DPH6: variants seen among roughly 807,000 people sequenced by gnomAD.
The protein encoded by DPH6 is diphthine--ammonia ligase.
In DPH6, 33 loss-of-function variants were observed where a neutral mutation model predicts 38.2. That is an observed-to-expected ratio of 0.86 (90% CI 0.65 to 1.15). DPH6 has a LOEUF of 1.15. DPH6 is among the 50% of genes most tolerant of loss of function. The pLI, the probability that DPH6 is intolerant of heterozygous loss-of-function variation, is 0.00. For missense variants in DPH6, 325 were observed against 320.0 expected (o/e 1.02, Z -0.12); for synonymous variants, 108 against 103.0 (o/e 1.05, Z -0.30).
At chr15:35,159,266 T>C in the DPH6 span, among the ~76,000 whole-genome samples, 4 of 152,222 alleles carry the variant, frequency 2.6e-5, no homozygotes, top group African/African-American at 7.2e-5. Context: ...CATGTTCCCA[T>C]GTAAGACCAA....
intron 3 of DPH6, among the ~76,000 whole-genome samples, chr15:35,465,195 A>T (rs137984316): frequency 6.6e-6 from 1 of 152,332 alleles, no homozygotes; most frequent in East Asian, 1.9e-4. Context: ...ATTTTCTTTG[A>T]AAAATGCCTC....
At chr15:35,390,635 G>A (rs904988933) in intron 6 of DPH6, among the ~76,000 whole-genome samples, 6 of 151,864 alleles carry the variant, frequency 4.0e-5, no homozygotes, top group South Asian at 2.1e-4. Context: ...TGATCACATC[G>A]GTTACTGAGG....
intron 3 of DPH6, among the ~76,000 whole-genome samples, chr15:35,456,718 C>T (rs1366479024): frequency 6.6e-6 from 1 of 151,692 alleles, no homozygotes; most frequent in African/African-American, 2.4e-5. Context: ...GAACTCCTGA[C>T]CTGGTGATCC....
chr15:35,485,478 C>T (rs1219462200), intron 3 of DPH6, among the ~76,000 whole-genome samples: 4 of 152,182 alleles, frequency 2.6e-5, no homozygotes, highest in Non-Finnish European at 5.9e-5. Flanking sequence ...AAAACATCAG[C>T]ATGGATTATC....
chr15:35,545,487 C>T (rs915932044), intron 1 of DPH6, among the ~76,000 whole-genome samples: 3 of 152,226 alleles, frequency 2.0e-5, no homozygotes, highest in African/African-American at 7.2e-5. Flanking sequence ...TAGTACAATT[C>T]GGTCTCTACC....
At position 35,538,329 on chromosome 15, in the gene DPH6, G is replaced by T. The variant is rs2055202568; in HGVS notation, c.257C>A (p.Thr86Asn). 1 of 1,608,484 alleles carries T rather than the reference G, an allele frequency of 6.2e-7. No homozygotes were observed. Among genetic ancestry groups the T allele is most frequent in the Non-Finnish European group, 8.5e-7 (1 of 1,175,828 alleles). Residue 86 changes from threonine (T) to asparagine (N), a missense_variant, in exon 3 of 9, where the codon ACC (threonine) becomes AAC (asparagine). Physicochemically the swap from Thr to Asn is moderately conservative, Grantham distance 65. Transcript: ENST00000256538. Reference sequence around the variant, plus strand: ...TTCAACCTCATCACCTTCACATTTGGTGTACACTTGTCTTGTATCCAAGCT... The same window carrying T: ...TTCAACCTCATCACCTTCACATTTGTTGTACACTTGTCTTGTATCCAAGCT... ...GRSLDTRQVY[T>N]KCEGDEVEDL...
chr15:35,179,435 T>A, the DPH6 span, among the ~76,000 whole-genome samples: 3 of 151,464 alleles, frequency 2.0e-5, no homozygotes, highest in Admixed American at 6.6e-5. Flanking sequence ...CCAAAAAGAG[T>A]CAAATACATT....
chr15:35,366,309 T>C (rs1411858850), downstream of DPH6, among the ~76,000 whole-genome samples: 5 of 151,612 alleles, frequency 3.3e-5, no homozygotes, highest in South Asian at 4.2e-4. Flanking sequence ...GACTTAACTA[T>C]AGGATCAACT....
At chr15:35,525,673 A>G (rs1419502721) in intron 3 of DPH6, among the ~76,000 whole-genome samples, 1 of 152,058 alleles carries the variant, frequency 6.6e-6, no homozygotes, top group Admixed American at 6.6e-5. Context: ...CCTCACCTCT[A>G]CAAAAAAAAT....
chr15:35,326,205 T>C (rs1009639087), downstream of DPH6, among the ~76,000 whole-genome samples: 2 of 152,170 alleles, frequency 1.3e-5, no homozygotes, highest in Non-Finnish European at 1.5e-5. Context: ...TCCTCTAACA[T>C]TGAACTTTTT....
chr15:35,528,490 T>C (rs2141251073), intron 3 of DPH6, among the ~76,000 whole-genome samples: 1 of 152,306 alleles, frequency 6.6e-6, no homozygotes, highest in African/African-American at 2.4e-5. Flanking sequence ...TTAAATACCA[T>C]CATCAAGTCC....
At chr15:35,287,632 A>C (rs541233392) in intron 3 of DPH6, among the ~76,000 whole-genome samples, 44 of 152,286 alleles carry the variant, frequency 2.9e-4, no homozygotes, top group African/African-American at 1.1e-3. Context: ...TCTTCCTACG[A>C]ACAGTGTAGT....
chr15:35,460,903 T>TAAAAAA lies in DPH6; in HGVS notation c.313-6089_313-6084dup, dbSNP rs549293460. Among the ~76,000 whole-genome samples the TAAAAAA allele has an allele frequency of 7.8e-5, 9 of 114,720 alleles. 2 individuals are homozygous for TAAAAAA. Among genetic ancestry groups the TAAAAAA allele is most frequent in the Non-Finnish European group, 1.2e-4 (7 of 58,186 alleles). 75.3% of individuals were successfully genotyped at this position (114,720 alleles called of 152,430 possible). A position where few individuals can be genotyped will look rare whatever the true frequency, so the allele number is the denominator to read the frequency against. On this transcript the variant is annotated intron_variant, in intron 3 of 8. Coordinates refer to ENST00000256538, the MANE Select transcript of DPH6 (RefSeq NM_080650.4). ...AAGCAAAGAGATACTCACAAACTGG[T>TAAAAAA]AAAAAAAAAAAAAAAAAAGGTTCAT...
chr15:35,546,066 A>G, intron 1 of DPH6, 53 bp downstream of exon 1: 1 of 1,319,210 alleles, frequency 7.6e-7, no homozygotes, highest in Non-Finnish European at 9.8e-7. Context: ...CGGCGGCTGG[A>G]AGGGACGAGA....
intron 6 of DPH6, chr15:35,401,027 A>C (rs766364695): frequency 2.2e-5 from 20 of 893,892 alleles, no homozygotes; most frequent in Non-Finnish European, 3.7e-5. Flanking sequence ...GCATTAAAGA[A>C]GACACAGAAG....
intron 6 of DPH6, among the ~76,000 whole-genome samples, chr15:35,395,626 T>C (rs573745884): frequency 2.6e-4 from 39 of 152,308 alleles, no homozygotes; most frequent in African/African-American, 9.4e-4. Flanking sequence ...CCCATGTAGA[T>C]TTCACCCATC....
intron 3 of DPH6, among the ~76,000 whole-genome samples, chr15:35,260,510 AAATT>A (rs2051739540): frequency 6.6e-6 from 1 of 150,704 alleles, no homozygotes; most frequent in South Asian, 2.1e-4. Flanking sequence ...ATTTAATAAT[AAATT>A]AAGTAATATG....
chr15:35,320,116 TG>T (rs1450931787), intron 3 of DPH6, among the ~76,000 whole-genome samples: 1 of 152,216 alleles, frequency 6.6e-6, no homozygotes, highest in Non-Finnish European at 1.5e-5. Flanking sequence ...TTCATTTTCA[TG>T]GCTTTTTTTT....
chr15:35,543,259 AAT>A lies in DPH6; in HGVS notation c.24-754_24-753del, dbSNP rs6145522. Among the ~76,000 whole-genome samples, 214 of 114,030 alleles carry A rather than the reference AAT, an allele frequency of 1.9e-3. 1 individual carries two copies. Among genetic ancestry groups the A allele is most frequent in the African/African-American group, 5.4e-3 (130 of 24,246 alleles). The allele number at this position is 114,030 out of a possible 152,430, so 74.8% of individuals were successfully genotyped here. On this transcript the variant is annotated intron_variant, in intron 1 of 8. Transcript: ENST00000256538. ...ATACATATAGTACACACATACACAT[AAT>A]ATATATATATATATATATATATATA...
Sources: gnomAD v4.1 joint callset for allele counts (sites outside exome capture counted in the v4.1 genomes callset) on GRCh38, gnomAD v4.1.1 for gene constraint, MANE v1.5 for transcripts, NCBI Gene and HGNC (gene_info 2026-07-23, HGNC 2026-07-21) for gene names.